EPHA7: variants seen among roughly 807,000 people sequenced by gnomAD.
EPHA7 encodes ephrin type-A receptor 7.
A neutral mutation model predicts 112.6 loss-of-function variants in EPHA7; 25 were observed. That is an observed-to-expected ratio of 0.22 (90% confidence interval 0.16 to 0.31). EPHA7 has a LOEUF of 0.31. EPHA7 is among the 10% of genes least tolerant of loss of function. The pLI, the probability that EPHA7 is intolerant of heterozygous loss-of-function variation, is 1.00. For missense variants in EPHA7, 962 were observed against 1,212.6 expected, an observed-to-expected ratio of 0.79 and a Z score of 3.07; for synonymous variants, 437 against 406.5, an observed-to-expected ratio of 1.07 and a Z score of -0.90.
At chr6:93,294,952 T>G (rs1772579561) in intron 5 of EPHA7, among the ~76,000 whole-genome samples, 1 of 152,084 alleles carries the variant, frequency 6.6e-6, no homozygotes, top group Non-Finnish European at 1.5e-5. Flanking sequence ...TTGAAAAGTT[T>G]TGAATTGACT....
At chr6:93,270,018 T>C (rs975509665) in intron 6 of EPHA7, among the ~76,000 whole-genome samples, 1 of 151,664 alleles carries the variant, frequency 6.6e-6, no homozygotes, top group African/African-American at 2.4e-5. Context: ...CATCAAATCA[T>C]AATGTAGTTC....
chr6:93,277,767 T>C (rs1289029873), intron 5 of EPHA7, among the ~76,000 whole-genome samples: 2 of 152,060 alleles, frequency 1.3e-5, no homozygotes, highest in East Asian at 3.9e-4. Flanking sequence ...TATAGTAAGA[T>C]ATATAACAGA....
At chr6:93,417,858 G>C (rs966110699) in intron 1 of EPHA7, among the ~76,000 whole-genome samples, 2 of 152,080 alleles carry the variant, frequency 1.3e-5, no homozygotes, top group African/African-American at 4.8e-5. Flanking sequence ...TGCAGATGTG[G>C]AAAGTGGGGT....
intron 5 of EPHA7, among the ~76,000 whole-genome samples, chr6:93,341,391 G>A (rs1775129163): frequency 6.6e-6 from 1 of 151,794 alleles, no homozygotes; most frequent in African/African-American, 2.4e-5. Context: ...TACTTTGAGT[G>A]TGCGTGTGTG....
intron 5 of EPHA7, among the ~76,000 whole-genome samples, chr6:93,331,931 T>C (rs1382220921): frequency 6.6e-6 from 1 of 151,630 alleles, no homozygotes; most frequent in Non-Finnish European, 1.5e-5. Context: ...ACATGCCACA[T>C]TGCCTCACAC....
intron 14 of EPHA7, among the ~76,000 whole-genome samples, chr6:93,250,474 T>A (rs1056050194): frequency 2.0e-5 from 3 of 152,066 alleles, no homozygotes; most frequent in African/African-American, 7.2e-5. Context: ...ATTCTAGAGA[T>A]AAAGAATGTG....
At chr6:93,376,798 G>A (rs1777080860) in intron 3 of EPHA7, among the ~76,000 whole-genome samples, 1 of 152,136 alleles carries the variant, frequency 6.6e-6, no homozygotes. Context: ...CCATCTCTGA[G>A]GAAGACCCTC....
chr6:93,268,193 A>G (rs1771038493), intron 7 of EPHA7, among the ~76,000 whole-genome samples: 1 of 151,670 alleles, frequency 6.6e-6, no homozygotes, highest in East Asian at 1.9e-4. Flanking sequence ...TATGTAGTAA[A>G]TTTTTAAACT....
chr6:93,244,641 A>T (rs1040723364), intron 16 of EPHA7, among the ~76,000 whole-genome samples: 1 of 152,088 alleles, frequency 6.6e-6, no homozygotes, highest in Admixed American at 6.6e-5. Flanking sequence ...AAGTTCATAG[A>T]AATTTCAAAA....
At chr6:93,248,328 ATTC>A (rs1770050291) in intron 14 of EPHA7, among the ~76,000 whole-genome samples, 1 of 152,114 alleles carries the variant, frequency 6.6e-6, no homozygotes, top group Non-Finnish European at 1.5e-5. Context: ...TTGAAAAAAA[ATTC>A]TTTTGTATAA....
intron 5 of EPHA7, among the ~76,000 whole-genome samples, chr6:93,324,164 A>T (rs1256133967): frequency 2.6e-5 from 4 of 151,344 alleles, no homozygotes; most frequent in Non-Finnish European, 5.9e-5. Context: ...TAATGGATAG[A>T]CTGATTTTTT....
chr6:93,371,074 G>A (rs1297849062), intron 3 of EPHA7, among the ~76,000 whole-genome samples: 1 of 151,668 alleles, frequency 6.6e-6, no homozygotes, highest in African/African-American at 2.4e-5. Flanking sequence ...TGAGGCAGGA[G>A]AATGCTGTGA....
chr6:93,307,588 T>G (rs1447186305), intron 5 of EPHA7, among the ~76,000 whole-genome samples: 1 of 152,192 alleles, frequency 6.6e-6, no homozygotes, highest in Non-Finnish European at 1.5e-5. Context: ...CATGCAATTC[T>G]GAGCCAAGTT....
intron 5 of EPHA7, among the ~76,000 whole-genome samples, chr6:93,309,805 T>C (rs951350517): frequency 3.3e-5 from 5 of 152,206 alleles, no homozygotes; most frequent in South Asian, 2.1e-4. Flanking sequence ...CTTCTGATGT[T>C]AAAGGCCATG....
In EPHA7 at chr6:93,264,697, C is replaced by G. The variant is rs148781580; in HGVS notation, c.1639G>C (p.Ala547Pro). ...EATGKMFEAT[A>P]VSSEQNPVII... ...ACAGGATTCTGTTCACTGGAGACAGCTGTAGCTGTAAACAGAGGAAATAGG... is the reference window on the plus strand; with the variant it reads ...ACAGGATTCTGTTCACTGGAGACAGGTGTAGCTGTAAACAGAGGAAATAGG... Residue 547 changes from alanine to proline, a missense_variant, in exon 8 of 17, where the codon GCT becomes CCT. This residue lies in a region of EPHA7 where 746 missense variants were observed against 889.2 expected (regional missense o/e 0.84). Coordinates refer to ENST00000369303, the MANE Select transcript of EPHA7 (RefSeq NM_004440.4). The G allele has an allele frequency of 2.5e-6, 4 of 1,596,984 alleles. No homozygotes were observed. Among genetic ancestry groups the G allele is most frequent in the Non-Finnish European group, 3.4e-6 (4 of 1,169,986 alleles).
chr6:93,405,807 GTGTGTGTA>G (rs1443719598), intron 3 of EPHA7, among the ~76,000 whole-genome samples: 8 of 70,512 alleles, frequency 1.1e-4, no homozygotes, highest in African/African-American at 4.1e-4. Flanking sequence ...GTGTGTGTGT[GTGTGTGTA>G]TATATATATA....
rs550415198 is a variant in EPHA7 at position 93,340,683 on chromosome 6, T to C, written c.1324+16034A>G. On this transcript the variant is annotated intron_variant, in intron 5 of 16. Transcript: ENST00000369303. ...TTGCAAGTAAGCCACTTTTTAAAAA[T>C]TGAAGATTTATTTCTAAATGACAAG... 4.6e-5 allele frequency among the ~76,000 whole-genome samples: 7 copies of C among 152,048 alleles called. No individual in the cohort carries two copies. The South Asian group carries it at 1.5e-3, about 32-fold the overall frequency.
intron 5 of EPHA7, among the ~76,000 whole-genome samples, chr6:93,282,273 C>G (rs1771782323): frequency 6.6e-6 from 1 of 152,162 alleles, no homozygotes; most frequent in Non-Finnish European, 1.5e-5. Flanking sequence ...CATAATAAAT[C>G]CTATTTATCC....
At chr6:93,328,729 C>T (rs1452299874) in intron 5 of EPHA7, among the ~76,000 whole-genome samples, 1 of 151,166 alleles carries the variant, frequency 6.6e-6, no homozygotes, top group East Asian at 1.9e-4. Flanking sequence ...TTCTCATTAG[C>T]GAATTCTCAT....
Sources: gnomAD v4.1 joint callset for allele counts (sites outside exome capture counted in the v4.1 genomes callset) on GRCh38, gnomAD v4.1.1 for gene constraint, gnomAD v4.1.1 regional missense constraint, MANE v1.5 for transcripts, NCBI Gene and HGNC (gene_info 2026-07-23, HGNC 2026-07-21) for gene names.